INTS4: variants seen among roughly 807,000 people sequenced by gnomAD.
The protein encoded by INTS4 is MSTP093.
Under a neutral mutation model 119.5 loss-of-function variants are expected in INTS4, and 70 were observed. That is an observed-to-expected ratio of 0.59 (90% CI 0.48 to 0.71). The LOEUF is 0.71. Ranked by LOEUF, INTS4 falls within the 30% of genes least tolerant of loss-of-function variation. The probability of loss-of-function intolerance (pLI) is 0.00; values close to 1 mark genes in which losing one functional copy is unlikely to be tolerated. For synonymous variants in INTS4, 316 were observed against 419.6 expected, an observed-to-expected ratio of 0.75 and a Z score of 3.02; for missense variants, 867 against 1,173.2, an observed-to-expected ratio of 0.74 and a Z score of 3.81.
chr11:77,960,943 T>A lies in INTS4; in HGVS notation c.657+10A>T. 1 of 1,586,258 alleles carries A rather than the reference T, an allele frequency of 6.3e-7. No individual in the cohort carries two copies. Among genetic ancestry groups the A allele is most frequent in the Non-Finnish European group, 8.6e-7 (1 of 1,167,316 alleles). On this transcript the variant is annotated intron_variant, in intron 5 of 22. Coordinates refer to ENST00000534064, the MANE Select transcript of INTS4 (RefSeq NM_033547.4). The stretch of plus-strand genomic sequence containing the variant: ...CACTAGCCCCAACTAGTTTCCATAA[T>A]CACATTTACCATGGCTTTTATAGCT...
chr11:77,882,646 G>C (rs930271462), intron 22 of INTS4, among the ~76,000 whole-genome samples: 15 of 152,260 alleles, frequency 9.9e-5, no homozygotes, highest in Admixed American at 9.2e-4. Context: ...AGCACGTCCT[G>C]GGTAGCAGAA....
chr11:77,978,367 T>G (rs1294522144), intron 4 of INTS4: 1 of 152,196 alleles, frequency 6.6e-6, no homozygotes, highest in African/African-American at 2.4e-5. Context: ...CTCAAAGTTA[T>G]CAAAAAGATC....
rs191517736 is a variant in INTS4, at chr11:77,983,922, T to C, written c.247-2346A>G. ...TTTAAAGCAGGGTCTTGAAGAAATATTTGGACAAATATGTTCATAGCAGCA... is the reference window on the plus strand; with the variant it reads ...TTTAAAGCAGGGTCTTGAAGAAATACTTGGACAAATATGTTCATAGCAGCA... On this transcript the variant is annotated intron_variant, in intron 2 of 22. Coordinates refer to ENST00000534064, the MANE Select transcript of INTS4 (RefSeq NM_033547.4). Among the ~76,000 whole-genome samples the C allele has an allele frequency of 4.4e-3, 664 of 152,278 alleles. 3 individuals carry two copies. The highest frequency in any genetic ancestry group is 0.015 in the African/African-American group (629 of 41,554).
At chr11:77,982,896 A>G (rs1282340010) in intron 2 of INTS4, among the ~76,000 whole-genome samples, 4 of 152,230 alleles carry the variant, frequency 2.6e-5, no homozygotes, top group African/African-American at 9.6e-5. Context: ...AAGGAGGCCT[A>G]AAGCAGGAGA....
At chr11:77,976,722 T>C (rs1422834293) in intron 4 of INTS4, among the ~76,000 whole-genome samples, 3 of 152,208 alleles carry the variant, frequency 2.0e-5, no homozygotes, top group African/African-American at 7.2e-5. Context: ...ATGGCACATA[T>C]ACACCATGGA....
intron 6 of INTS4, among the ~76,000 whole-genome samples, chr11:77,959,470 G>C (rs748890052): frequency 3.3e-5 from 5 of 152,068 alleles, no homozygotes; most frequent in African/African-American, 7.2e-5. Context: ...TCACTCCCTT[G>C]ATGCTGTCAT....
At position 77,956,062 on chromosome 11, in the gene INTS4, G is replaced by A. The variant is rs1954313797; in HGVS notation, c.798C>T (p.Ser266=). ...CATTAGAAGAAGGAATTGGGACAAT[G>A]CTAAATTAAAAGAAAAGAAATGAAA... ...IWVVSQLYPE[S]IVPIPSSNEE... The change falls in exon 8 of 23, where the codon AGC becomes AGT. Residue 266 remains serine, a splice_region_variant and synonymous_variant. Transcript: ENST00000534064. The A allele has an allele frequency of 6.3e-7, 1 of 1,588,416 alleles. No homozygotes were observed. The highest frequency in any genetic ancestry group is 1.9e-5 in the Admixed American group (1 of 52,714).
chr11:77,931,460 A>G (rs1428078355), intron 10 of INTS4, among the ~76,000 whole-genome samples: 1 of 152,242 alleles, frequency 6.6e-6, no homozygotes, highest in Non-Finnish European at 1.5e-5. Flanking sequence ...AACTTAAGTT[A>G]ATTTGATTAC....
intron 8 of INTS4, among the ~76,000 whole-genome samples, chr11:77,951,031 T>C (rs1043958496): frequency 6.6e-6 from 1 of 152,190 alleles, no homozygotes; most frequent in African/African-American, 2.4e-5. Context: ...GCTTCATCCA[T>C]GTCCCTACAA....
At chr11:77,916,391 A>G (rs1184302589) in intron 15 of INTS4, among the ~76,000 whole-genome samples, 2 of 152,240 alleles carry the variant, frequency 1.3e-5, no homozygotes, top group Non-Finnish European at 2.9e-5. Flanking sequence ...TAAAGACTGT[A>G]GGCAACTGTA....
At chr11:77,955,496 CTT>C (rs796295814) in intron 8 of INTS4, among the ~76,000 whole-genome samples, 18 of 135,416 alleles carry the variant, frequency 1.3e-4, no homozygotes, top group South Asian at 2.4e-4. Flanking sequence ...TAATCCCAGC[CTT>C]TTTTTTTTTT....
At chr11:77,957,527 G>A (rs1252022739) in intron 7 of INTS4, among the ~76,000 whole-genome samples, 1 of 150,012 alleles carries the variant, frequency 6.7e-6, no homozygotes, top group Non-Finnish European at 1.5e-5. Context: ...TGCAGCCTGG[G>A]CCACAGAGCA....
intron 12 of INTS4, among the ~76,000 whole-genome samples, chr11:77,924,138 T>C (rs112873509): frequency 0.14 from 20,539 of 148,604 alleles, 1,588 homozygotes; most frequent in East Asian, 0.26. Flanking sequence ...CTCATGCCTG[T>C]AATCCCAGCA....
rs141517099 is a variant in INTS4, at chr11:77,976,480, C to T, written c.471+2516G>A. 2.2e-4 allele frequency among the ~76,000 whole-genome samples: 33 copies of T among 152,200 alleles called. No homozygotes were observed. The East Asian group carries it at 5.4e-3, about 25-fold the overall frequency. On this transcript the variant is annotated intron_variant, in intron 4 of 22. Coordinates refer to ENST00000534064, the MANE Select transcript of INTS4 (RefSeq NM_033547.4). ...GGAGGAACACTTGAGCCCAGGAGTT[C>T]GAGACCAGCCTAGGCAACACAATGA... is the stretch of plus-strand genomic sequence containing the variant.
chr11:77,940,094 G>A (rs1201494024), intron 9 of INTS4, among the ~76,000 whole-genome samples: 3 of 152,002 alleles, frequency 2.0e-5, no homozygotes, highest in Admixed American at 6.6e-5. Flanking sequence ...TGCAAACCAC[G>A]TTAGTGAACC....
chr11:77,899,502 C>T (rs1026971717), intron 18 of INTS4, among the ~76,000 whole-genome samples: 2 of 151,934 alleles, frequency 1.3e-5, no homozygotes, highest in African/African-American at 4.8e-5. Context: ...TGAAACCCGT[C>T]TCTACTGAAA....
chr11:77,979,575 A>C (rs1447194659), intron 3 of INTS4, among the ~76,000 whole-genome samples: 2 of 152,102 alleles, frequency 1.3e-5, no homozygotes, highest in Non-Finnish European at 2.9e-5. Context: ...ATCATGTTTA[A>C]ATGTCTGAGT....
chr11:77,911,769 C>T (rs1380066161), intron 15 of INTS4, among the ~76,000 whole-genome samples: 4 of 152,326 alleles, frequency 2.6e-5, no homozygotes, highest in Middle Eastern at 3.4e-3. Flanking sequence ...AAACTGAGCA[C>T]ATTCTATGTG....
Position 77,950,082 on chromosome 11 carries a change from C to A in INTS4, c.918+5860G>T, listed in dbSNP as rs546417974. On this transcript the variant is annotated intron_variant, in intron 8 of 22. Transcript: ENST00000534064. ...GTTCTGTGCAGGGACATGGATGAAG[C>A]TGGAAACCATCATTCTCAGCAAACT... Among the ~76,000 whole-genome samples the A allele has an allele frequency of 1.1e-4, 16 of 152,228 alleles. No individual in the cohort carries two copies. The East Asian group carries it at 3.1e-3, about 29-fold the overall frequency.
Sources: allele counts gnomAD v4.1 joint callset (sites outside exome capture counted in the v4.1 genomes callset), GRCh38; gene constraint gnomAD v4.1.1; transcripts MANE v1.5; gene names NCBI Gene and HGNC (gene_info 2026-07-23, HGNC 2026-07-21).